The following SRGAP2 variants were observed in gnomAD, a reference collection of about 807,000 sequenced individuals.
SRGAP2 encodes the protein SLIT-ROBO Rho GTPase-activating protein 2.
In SRGAP2, 15 loss-of-function variants were observed where a neutral mutation model predicts 57.2. The observed-to-expected ratio is 0.26, with a 90% CI of 0.18 to 0.40. SRGAP2 has a LOEUF of 0.40. Ranked by LOEUF, SRGAP2 falls within the 10% of genes least tolerant of loss-of-function variation. The pLI, the probability that SRGAP2 is intolerant of heterozygous loss-of-function variation, is 1.00. For synonymous variants in SRGAP2, 249 were observed against 248.0 expected (o/e 1.00, Z -0.04); for missense variants, 520 against 669.6 (o/e 0.78, Z 2.47).
chr1:206,210,475 G>A (rs1666250890), intron 2 of SRGAP2, among the ~76,000 whole-genome samples: 1 of 122,488 alleles, frequency 8.2e-6, no homozygotes, highest in Non-Finnish European at 1.6e-5. Context: ...AGCTGGAAGC[G>A]AAATTTTGTA....
At chr1:206,412,738 A>G (rs781969239) in intron 10 of SRGAP2, among the ~76,000 whole-genome samples, 2 of 152,244 alleles carry the variant, frequency 1.3e-5, no homozygotes, top group Non-Finnish European at 2.9e-5. Flanking sequence ...CAACAGCAAC[A>G]GAAACCTTCT....
intron 4 of SRGAP2, 61 bp from the exon 5 acceptor site, chr1:206,383,953 T>C (rs1655945346): frequency 6.9e-7 from 1 of 1,447,468 alleles, no homozygotes; most frequent in African/African-American, 1.7e-5. Context: ...GGCTTTTGCC[T>C]TTGTTGCTCC....
intron 2 of SRGAP2, among the ~76,000 whole-genome samples, chr1:206,267,393 C>T (rs1224781896): frequency 7.3e-5 from 11 of 149,714 alleles, no homozygotes; most frequent in South Asian, 2.1e-4. Flanking sequence ...CGAGTATGAA[C>T]GGAAAATTGA....
At chr1:206,451,148 G>C (rs1421798782) in intron 19 of SRGAP2, among the ~76,000 whole-genome samples, 1 of 150,328 alleles carries the variant, frequency 6.7e-6, no homozygotes, top group Non-Finnish European at 1.5e-5. Context: ...AAGTAAGCCT[G>C]GGGTGGGAAA....
intron 2 of SRGAP2, among the ~76,000 whole-genome samples, chr1:206,273,689 T>C (rs1260521976): frequency 6.7e-6 from 1 of 150,098 alleles, no homozygotes; most frequent in East Asian, 1.9e-4. Context: ...GACAGCAGTG[T>C]GTAAGCTCAG....
intron 12 of SRGAP2, 147 bp downstream of exon 12, chr1:206,419,547 C>A (rs537295687): frequency 5.4e-5 from 36 of 665,876 alleles, no homozygotes; most frequent in Non-Finnish European, 9.4e-5. Context: ...TGTTTACTTC[C>A]CTTTGCCTTA....
chr1:206,408,817 T>TG (rs1553358329), intron 10 of SRGAP2, among the ~76,000 whole-genome samples: 2 of 151,724 alleles, frequency 1.3e-5, no homozygotes, highest in Admixed American at 6.6e-5. Context: ...CCTTTCACTT[T>TG]CTGTCTCAAT....
At chr1:206,446,362 G>T in intron 18 of SRGAP2, 63 bp downstream of exon 18, 1 of 766,286 alleles carries the variant, frequency 1.3e-6, no homozygotes. Flanking sequence ...ATGGGAGCCA[G>T]ATGGCCACAC....
intron 2 of SRGAP2, among the ~76,000 whole-genome samples, chr1:206,255,456 A>T (rs2102602986): frequency 7.2e-6 from 1 of 139,330 alleles, no homozygotes; most frequent in Non-Finnish European, 1.6e-5. Flanking sequence ...GCTCTGTATC[A>T]TTGGCAAAGG....
At chr1:206,348,229 G>C (rs1172046933) in intron 4 of SRGAP2, among the ~76,000 whole-genome samples, 1 of 151,648 alleles carries the variant, frequency 6.6e-6, no homozygotes, top group African/African-American at 2.4e-5. Flanking sequence ...TAGGACGAGA[G>C]GGAAAATTGA....
chr1:206,446,130 T>C lies in SRGAP2; in HGVS notation c.1930T>C (p.Phe644Leu). 1.3e-6 allele frequency: 1 copy of C among 780,986 alleles called. No homozygotes were observed. The highest frequency in any genetic ancestry group is 2.4e-6 in the Non-Finnish European group (1 of 418,004). 48.4% of individuals were successfully genotyped at this position (780,986 alleles called of 1,614,324 possible). A position where few individuals can be genotyped will look rare whatever the true frequency, so the allele number is the denominator to read the frequency against. The change falls in exon 18 of 23, where the codon TTC becomes CTC. Residue 644 changes from phenylalanine to leucine, a missense_variant. Around this residue, in one of 5 missense-constraint regions of SRGAP2, gnomAD observed 478 missense variants for 373.6 expected, o/e 1.28. Transcript: ENST00000573034. ...GGACCCCTACAACCTCGCCATCTGC[T>C]TCGGGCCCTCGCTAATGTCAGTGCC... Reference protein sequence around the residue: ...MMDPYNLAICFGPSLMSVPEG... With the variant: ...MMDPYNLAICLGPSLMSVPEG...
chr1:206,456,747 C>T (rs1553378618), intron 21 of SRGAP2, among the ~76,000 whole-genome samples: 6 of 152,200 alleles, frequency 3.9e-5, no homozygotes, highest in South Asian at 2.1e-4. Flanking sequence ...GCGGTGGCCC[C>T]GGGGCATGTC....
chr1:206,369,025 A>G (rs1459363542), intron 4 of SRGAP2, among the ~76,000 whole-genome samples: 2 of 152,100 alleles, frequency 1.3e-5, no homozygotes, highest in African/African-American at 4.8e-5. Flanking sequence ...ATCATCCTAG[A>G]CCTAATATAT....
intron 3 of SRGAP2, among the ~76,000 whole-genome samples, chr1:206,315,383 G>A (rs1413086550): frequency 2.6e-4 from 38 of 148,312 alleles, no homozygotes; most frequent in African/African-American, 9.1e-4. Context: ...GGACCAGTGC[G>A]TCACTCACTC....
chr1:206,349,443 T>C (rs1395445609), intron 4 of SRGAP2, among the ~76,000 whole-genome samples: 3 of 149,664 alleles, frequency 2.0e-5, no homozygotes, highest in Non-Finnish European at 1.5e-5. Flanking sequence ...TAAAAGCATA[T>C]GTCTAAACAA....
chr1:206,410,771 T>G (rs946208589), intron 10 of SRGAP2, among the ~76,000 whole-genome samples: 2 of 152,262 alleles, frequency 1.3e-5, no homozygotes, highest in Non-Finnish European at 2.9e-5. Context: ...TGCCATCATT[T>G]GTTTAACAAA....
intron 18 of SRGAP2, among the ~76,000 whole-genome samples, chr1:206,449,495 G>A (rs1331905594): frequency 6.9e-6 from 1 of 145,370 alleles, no homozygotes; most frequent in Non-Finnish European, 1.5e-5. Context: ...TCATTAAGTT[G>A]CCCAGGCTGG....
At chr1:206,220,964 CAG>C (rs1666951984) in intron 2 of SRGAP2, among the ~76,000 whole-genome samples, 1 of 141,906 alleles carries the variant, frequency 7.0e-6, no homozygotes, top group Non-Finnish European at 1.5e-5. Context: ...TTTTTTGAGG[CAG>C]AGTCTTGCTC....
chr1:206,457,152 TAAA>T (rs1553378749), intron 21 of SRGAP2, among the ~76,000 whole-genome samples: 9 of 152,020 alleles, frequency 5.9e-5, no homozygotes, highest in South Asian at 4.1e-4. Flanking sequence ...AGCCACCCCA[TAAA>T]TCTGTCTTCT....
Sources: allele counts gnomAD v4.1 joint callset (sites outside exome capture counted in the v4.1 genomes callset), GRCh38; gene constraint gnomAD v4.1.1; regional missense constraint gnomAD v4.1.1; transcripts MANE v1.5; gene names NCBI Gene and HGNC (gene_info 2026-07-23, HGNC 2026-07-21).